MCPH1: variants seen among roughly 807,000 people sequenced by gnomAD.
MCPH1 encodes microcephalin 1.
MCPH1 carries 104 observed loss-of-function variants against 84.5 expected under a neutral mutation model. The ratio of observed to expected loss-of-function variants is 1.23; its 90% CI spans 1.05 to 1.45. MCPH1 has a LOEUF of 1.45. Among genes scored for constraint, MCPH1 ranks in the 40% most tolerant of loss-of-function variants. The pLI is 0.00. For synonymous variants in MCPH1, 514 were observed against 366.8 expected (o/e 1.40, Z -4.58); for missense variants, 1,498 against 1,005.7 (o/e 1.49, Z -6.62).
chr8:6,546,363 T>C (rs1279489534), intron 12 of MCPH1, among the ~76,000 whole-genome samples: 2 of 152,094 alleles, frequency 1.3e-5, no homozygotes, highest in African/African-American at 4.8e-5. Context: ...TAAAGCTAGG[T>C]TTTTGGTGGT....
At chr8:6,549,536 G>A (rs1024720120) in intron 12 of MCPH1, among the ~76,000 whole-genome samples, 1 of 151,904 alleles carries the variant, frequency 6.6e-6, no homozygotes, top group Admixed American at 6.6e-5. Flanking sequence ...ACACAGGTGC[G>A]CACATATATG....
intron 13 of MCPH1, among the ~76,000 whole-genome samples, chr8:6,641,008 C>G (rs1797903538): frequency 6.6e-6 from 1 of 152,154 alleles, no homozygotes; most frequent in African/African-American, 2.4e-5. Flanking sequence ...CTCTATTTTA[C>G]TGCTATAATT....
chr8:6,485,512 C>T (rs1368024041), intron 11 of MCPH1, among the ~76,000 whole-genome samples: 2 of 151,158 alleles, frequency 1.3e-5, no homozygotes, highest in African/African-American at 4.9e-5. Context: ...GAAGCTTCAT[C>T]CCAGCTTTTC....
At chr8:6,524,881 G>C (rs1818041398) in intron 12 of MCPH1, among the ~76,000 whole-genome samples, 1 of 152,198 alleles carries the variant, frequency 6.6e-6, no homozygotes, top group Non-Finnish European at 1.5e-5. Context: ...AGCACCTTCA[G>C]GTGAAAGGAA....
At chr8:6,637,539 T>G (rs1253507336) in intron 13 of MCPH1, among the ~76,000 whole-genome samples, 1 of 152,202 alleles carries the variant, frequency 6.6e-6, no homozygotes, top group East Asian at 1.9e-4. Flanking sequence ...TCCAGACCAC[T>G]GACACCTTAA....
At chr8:6,617,708 G>A (rs563668966) in intron 12 of MCPH1, among the ~76,000 whole-genome samples, 54 of 152,040 alleles carry the variant, frequency 3.6e-4, no homozygotes, top group African/African-American at 1.2e-3. Flanking sequence ...ACAGGGTCTC[G>A]CTCTGTCACC....
In MCPH1 at chr8:6,445,098, C is replaced by T. The variant is rs2129555714; in HGVS notation, c.1376C>T (p.Ser459Phe). The T allele has an allele frequency of 6.2e-7, 1 of 1,614,262 alleles. No homozygotes were observed. The highest frequency in any genetic ancestry group is 2.2e-5 in the East Asian group (1 of 44,890). ...KKERTSIFEM[S>F]DFSCVGKKTR... Reference sequence around the variant, plus strand: ...GAGAGAACAAGCATATTTGAAATGTCTGATTTTTCCTGCGTTGGCAAAAAA... The same window carrying T: ...GAGAGAACAAGCATATTTGAAATGTTTGATTTTTCCTGCGTTGGCAAAAAA... The change falls in exon 8 of 14, where the codon TCT becomes TTT. Residue 459 changes from serine to phenylalanine, a missense_variant. Physicochemically the swap from Ser to Phe is radical, Grantham distance 155. Coordinates refer to ENST00000344683, the MANE Select transcript of MCPH1 (RefSeq NM_024596.5).
chr8:6,534,172 A>T (rs1820075613), intron 12 of MCPH1, among the ~76,000 whole-genome samples: 1 of 152,152 alleles, frequency 6.6e-6, no homozygotes, highest in Non-Finnish European at 1.5e-5. Flanking sequence ...TGGCCTCCAC[A>T]TCTACGGGTT....
At chr8:6,435,884 A>G (rs1408057463) in intron 4 of MCPH1, among the ~76,000 whole-genome samples, 164 bp from the exon 5 acceptor site, 3 of 152,230 alleles carry the variant, frequency 2.0e-5, no homozygotes, top group Non-Finnish European at 4.4e-5. Flanking sequence ...ATAACTGCAC[A>G]AAAAAATAAA....
At chr8:6,528,479 C>A (rs1008032195) in intron 12 of MCPH1, among the ~76,000 whole-genome samples, 1 of 152,056 alleles carries the variant, frequency 6.6e-6, no homozygotes, top group Non-Finnish European at 1.5e-5. Flanking sequence ...CATTTGTCAC[C>A]ACTTGTTTAG....
At chr8:6,609,812 G>GCCCCC (rs1162008291) in intron 12 of MCPH1, among the ~76,000 whole-genome samples, 2 of 51,686 alleles carry the variant, frequency 3.9e-5, no homozygotes, top group Non-Finnish European at 1.4e-4. Context: ...TCAAAGCAAT[G>GCCCCC]CCCCCCGCCC....
chr8:6,499,862 C>G lies in MCPH1; in HGVS notation c.2147C>G (p.Ser716Cys), dbSNP rs781720931. 4.3e-6 allele frequency: 7 copies of G among 1,613,046 alleles called. No individual in the cohort carries two copies. The highest frequency in any genetic ancestry group is 5.9e-6 in the Non-Finnish European group (7 of 1,179,966). The part of the protein sequence containing the change: ...WVLSYDWVLW[S>C]LELGHWISEE... ...TTGTGTCACTTGCAGGTGCTATGGT[C>G]TTTAGAATTGGGTCACTGGATTTCT... Residue 716 changes from serine (S) to cysteine (C), a missense_variant, in exon 12 of 14, where the codon TCT becomes TGT. Transcript: ENST00000344683.
At chr8:6,574,968 A>G (rs1826949678) in intron 12 of MCPH1, among the ~76,000 whole-genome samples, 1 of 152,210 alleles carries the variant, frequency 6.6e-6, no homozygotes, top group South Asian at 2.1e-4. Context: ...GATGAGATAA[A>G]GCAGTAAGAG....
At chr8:6,541,390 C>T (rs1300492831) in intron 12 of MCPH1, among the ~76,000 whole-genome samples, 3 of 152,134 alleles carry the variant, frequency 2.0e-5, no homozygotes, top group Non-Finnish European at 4.4e-5. Flanking sequence ...TTATAGCCCC[C>T]AGTCAGCAGC....
At chr8:6,477,360 C>G (rs753277565) in intron 9 of MCPH1, 2 of 500,498 alleles carry the variant, frequency 4.0e-6, no homozygotes, top group Non-Finnish European at 7.0e-6. Flanking sequence ...TTTTGTTTTG[C>G]TCTTGTACCT....
chr8:6,489,315 G>A (rs1323245803), intron 11 of MCPH1, among the ~76,000 whole-genome samples: 2 of 152,074 alleles, frequency 1.3e-5, no homozygotes, highest in East Asian at 3.9e-4. Flanking sequence ...TCAGGGGGAA[G>A]GGGGAGGCAG....
intron 12 of MCPH1, among the ~76,000 whole-genome samples, chr8:6,538,938 T>C (rs1821001137): frequency 6.6e-6 from 1 of 152,222 alleles, no homozygotes; most frequent in African/African-American, 2.4e-5. Flanking sequence ...CTTGGTTCCC[T>C]GTCATGAGGA....
At chr8:6,631,644 AT>A (rs1797167435) in intron 13 of MCPH1, among the ~76,000 whole-genome samples, 2 of 150,204 alleles carry the variant, frequency 1.3e-5, no homozygotes, top group South Asian at 4.3e-4. Context: ...ACCCATTATG[AT>A]TGCTACTATA....
At chr8:6,434,353 T>C (rs1802330004) in intron 4 of MCPH1, among the ~76,000 whole-genome samples, 1 of 152,122 alleles carries the variant, frequency 6.6e-6, no homozygotes, top group Non-Finnish European at 1.5e-5. Context: ...ATCCTTCATC[T>C]CACTACTCAT....
Sources: allele counts gnomAD v4.1 joint callset (sites outside exome capture counted in the v4.1 genomes callset), GRCh38; gene constraint gnomAD v4.1.1; transcripts MANE v1.5; gene names NCBI Gene and HGNC (gene_info 2026-07-23, HGNC 2026-07-21).